DRC3: variants seen among roughly 807,000 people sequenced by gnomAD.
DRC3 encodes dynein regulatory complex subunit 3, also known as leucine rich repeat containing 48.
Under a neutral mutation model 57.6 loss-of-function variants are expected in DRC3, and 45 were observed. The observed-to-expected ratio is 0.78, with a 90% CI of 0.62 to 1.00. The LOEUF (loss-of-function observed/expected upper bound fraction) is 1.00. Ranked by LOEUF, DRC3 falls within the 50% of genes least tolerant of loss-of-function variation. The pLI, the probability that DRC3 is intolerant of heterozygous loss-of-function variation, is 0.00. For synonymous variants in DRC3, 257 were observed against 272.3 expected, an observed-to-expected ratio of 0.94 and a Z score of 0.55; for missense variants, 655 against 675.2, an observed-to-expected ratio of 0.97 and a Z score of 0.33.
rs1386439042 is a variant in DRC3 at position 17,977,741 on chromosome 17, TGCA to T, written c.146_148del (p.Gln49del). 6.2e-7 allele frequency: 1 copy of T among 1,607,388 alleles called. No homozygotes were observed. Among genetic ancestry groups the T allele is most frequent in the Non-Finnish European group, 8.5e-7 (1 of 1,176,320 alleles). ...ATCCTCTTCAAGGATGTCCTGTCCC[TGCA>T]GCTGGACTTTCGGAGTATGTATCCA... On this transcript the variant is annotated inframe_deletion, in exon 3 of 14. Coordinates refer to ENST00000399187, the MANE Select transcript of DRC3 (RefSeq NM_031294.4).
At chr17:17,983,385 A>G (rs2042804463) in intron 3 of DRC3, among the ~76,000 whole-genome samples, 1 of 152,216 alleles carries the variant, frequency 6.6e-6, no homozygotes, top group Non-Finnish European at 1.5e-5. Context: ...AAAAGGCTGA[A>G]TGAGGCAATC....
intron 3 of DRC3, 38 bp downstream of exon 3, chr17:17,977,796 G>A: frequency 2.6e-6 from 4 of 1,528,640 alleles, no homozygotes; most frequent in South Asian, 1.3e-5. Context: ...GCCAGGGTGG[G>A]CCCTCCCTGG....
intron 12 of DRC3, among the ~76,000 whole-genome samples, chr17:18,013,183 A>T (rs1191117686): frequency 6.6e-6 from 1 of 152,210 alleles, no homozygotes; most frequent in Non-Finnish European, 1.5e-5. Flanking sequence ...AGAAAAAGGA[A>T]CTCATATACT....
At chr17:17,986,322 A>T (rs936712126) in intron 4 of DRC3, among the ~76,000 whole-genome samples, 2 of 152,214 alleles carry the variant, frequency 1.3e-5, no homozygotes, top group Non-Finnish European at 2.9e-5. Flanking sequence ...CTGTGCTATG[A>T]GGATTAAACA....
intron 3 of DRC3, among the ~76,000 whole-genome samples, chr17:17,979,922 C>CACA (rs2042575765): frequency 1.3e-5 from 2 of 151,374 alleles, no homozygotes; most frequent in Admixed American, 6.6e-5. Context: ...AGAGGCACTA[C>CACA]GCAGCAATCC....
rs2043974386 is a variant in DRC3 at position 18,006,911 on chromosome 17, C to A, written c.1203-113C>A. The A allele has an allele frequency of 2.7e-6, 4 of 1,492,184 alleles. No individual in the cohort carries two copies. The Admixed American group carries it at 8.3e-5, about 31-fold the overall frequency. 92.4% of individuals were successfully genotyped at this position (1,492,184 alleles called of 1,614,324 possible). ...GCTTGTGAGTGGACGGTGCTGCCAGCCAGAATTTCCGAGCTCGCCTTGGGC... is the reference window on the plus strand; with the variant it reads ...GCTTGTGAGTGGACGGTGCTGCCAGACAGAATTTCCGAGCTCGCCTTGGGC... On this transcript the variant is annotated intron_variant, in intron 11 of 13. Transcript: ENST00000399187.
At chr17:17,998,152 T>C (rs543174236) in intron 9 of DRC3, among the ~76,000 whole-genome samples, 1 of 152,238 alleles carries the variant, frequency 6.6e-6, no homozygotes, top group East Asian at 1.9e-4. Flanking sequence ...ATCAGTGCCA[T>C]CCTGGAGGGA....
intron 12 of DRC3, chr17:18,010,608 A>G (rs1272508547): frequency 1.2e-5 from 2 of 163,394 alleles, no homozygotes; most frequent in African/African-American, 4.8e-5. Flanking sequence ...TGGTACTGGC[A>G]TAAAACAGAC....
chr17:17,995,423 C>G (rs781657886), intron 8 of DRC3, among the ~76,000 whole-genome samples: 11 of 152,230 alleles, frequency 7.2e-5, no homozygotes, highest in Non-Finnish European at 1.2e-4. Flanking sequence ...GCCATACTCA[C>G]TTGTTCTTGT....
intron 5 of DRC3, among the ~76,000 whole-genome samples, chr17:17,990,218 A>C (rs1344121787): frequency 3.3e-5 from 5 of 152,306 alleles, no homozygotes; most frequent in African/African-American, 1.2e-4. Context: ...GGTGACGGCC[A>C]GGCTGGGCTT....
intron 8 of DRC3, among the ~76,000 whole-genome samples, chr17:17,996,633 A>T (rs2043469813): frequency 6.6e-6 from 1 of 152,124 alleles, no homozygotes; most frequent in African/African-American, 2.4e-5. Flanking sequence ...ACCATCTCTA[A>T]AAAAAACCAA....
chr17:17,983,718 G>A, intron 3 of DRC3, 110 bp from the exon 4 acceptor site: 1 of 724,044 alleles, frequency 1.4e-6, no homozygotes, highest in Admixed American at 2.2e-5. Flanking sequence ...CTCCAGGGCA[G>A]GGCAGAAGAG....
intron 12 of DRC3, chr17:18,015,155 G>C (rs2044309835): frequency 6.6e-6 from 1 of 152,216 alleles, no homozygotes; most frequent in African/African-American, 2.4e-5. Flanking sequence ...GGATGTGCTG[G>C]CTTTCCCAAA....
At chr17:18,015,485 T>G in intron 12 of DRC3, 1 of 152,606 alleles carries the variant, frequency 6.6e-6, no homozygotes, top group Admixed American at 6.5e-5. Flanking sequence ...TAGAAGGTGG[T>G]TGTTTCTAAC....
At chr17:17,976,186 C>A (rs1313638473) in intron 2 of DRC3, among the ~76,000 whole-genome samples, 2 of 152,116 alleles carry the variant, frequency 1.3e-5, no homozygotes, top group African/African-American at 4.8e-5. Flanking sequence ...GTAGGGCCAG[C>A]AGGGAGGCAA....
Position 17,997,620 on chromosome 17 carries a change from G to A in DRC3, c.985G>A (p.Glu329Lys), listed in dbSNP as rs767041645. The change falls in exon 9 of 14, where the codon GAG becomes AAG. Residue 329 changes from glutamate to lysine, a missense_variant. By Grantham distance (56) the Glu-to-Lys change is moderately conservative. Transcript: ENST00000399187. ...QGKRKIAKFEEKHLSSLSAIR... is the reference protein window; with the variant it reads ...QGKRKIAKFEKKHLSSLSAIR... ...CAAACGCAAGATTGCCAAATTCGAG[G>A]AGAAGCACTTGTCGGTAGGCCCCGA... 1.9e-6 allele frequency: 3 copies of A among 1,607,322 alleles called. No individual in the cohort carries two copies. Among genetic ancestry groups the A allele is most frequent in the South Asian group, 1.1e-5 (1 of 89,890 alleles).
intron 9 of DRC3, among the ~76,000 whole-genome samples, chr17:18,001,609 G>T (rs2145392995): frequency 6.6e-6 from 1 of 152,218 alleles, no homozygotes; most frequent in Non-Finnish European, 1.5e-5. Context: ...TTGCAATGTT[G>T]TCTGTGGTGC....
At position 17,977,857 on chromosome 17, in the gene DRC3, C is replaced by T. The variant is rs534741765; in HGVS notation, c.160+99C>T. On this transcript the variant is annotated intron_variant, in intron 3 of 13. Transcript: ENST00000399187. ...CAGGATTCCATGCAAAGTCCACGGT[C>T]GAGGTTCCCACATCAGCATTAGGGC... is the stretch of plus-strand genomic sequence containing the variant. 27 of 1,314,230 alleles carry T rather than the reference C, an allele frequency of 2.1e-5. No individual in the cohort carries two copies. In the Admixed American group the frequency reaches 5.8e-4, roughly 28 times the overall value. 81.4% of individuals were successfully genotyped at this position (1,314,230 alleles called of 1,614,324 possible).
intron 4 of DRC3, among the ~76,000 whole-genome samples, chr17:17,985,752 C>T (rs1435791927): frequency 1.3e-5 from 2 of 152,178 alleles, no homozygotes; most frequent in African/African-American, 4.8e-5. Context: ...TTGGTAAACA[C>T]TTGCTAGCAC....
Sources: allele counts gnomAD v4.1 joint callset (sites outside exome capture counted in the v4.1 genomes callset), GRCh38; gene constraint gnomAD v4.1.1; transcripts MANE v1.5; gene names NCBI Gene and HGNC (gene_info 2026-07-23, HGNC 2026-07-21).